COL6A2: variants seen among roughly 807,000 people sequenced by gnomAD.
COL6A2 encodes the protein collagen type VI alpha 2 chain, also known as collagen alpha-2(VI) chain.
Under a neutral mutation model 124.9 loss-of-function variants are expected in COL6A2, and 90 were observed. That is an observed-to-expected ratio of 0.72 (90% CI 0.61 to 0.86). COL6A2 has a LOEUF of 0.86. COL6A2 is among the 40% of genes least tolerant of loss of function. The pLI, the probability that COL6A2 is intolerant of heterozygous loss-of-function variation, is 0.00. For synonymous variants in COL6A2, 793 were observed against 618.2 expected, an observed-to-expected ratio of 1.28 and a Z score of -4.19; for missense variants, 1,607 against 1,502.5, an observed-to-expected ratio of 1.07 and a Z score of -1.15.
chr21:46,121,722 C>T (rs1180505088), intron 18 of COL6A2, 104 bp downstream of exon 18: 3 of 1,154,042 alleles, frequency 2.6e-6, no homozygotes, highest in Non-Finnish European at 3.8e-6. Flanking sequence ...GCAGACGTGC[C>T]TCAGGACGGG....
intron 20 of COL6A2, 139 bp from the exon 21 acceptor site, chr21:46,122,736 C>A: frequency 2.3e-6 from 2 of 887,772 alleles, no homozygotes; most frequent in Non-Finnish European, 1.6e-6. Flanking sequence ...AAAGTTCAGG[C>A]TTTGCAAAAA....
chr21:46,125,170 G>A lies in COL6A2; in HGVS notation c.1771-96G>A, dbSNP rs1422794359. On this transcript the variant is annotated intron_variant, in intron 23 of 27. Transcript: ENST00000300527. ...TCCCCGCATGGCTGCCTCCACACGT[G>A]GGCTGGAATGTCCCGGGACCCCCAG... 4.8e-6 allele frequency: 6 copies of A among 1,261,538 alleles called. No individual in the cohort carries two copies. In the East Asian group the frequency reaches 7.0e-5, roughly 15 times the overall value. The allele number at this position is 1,261,538 out of a possible 1,614,324, so 78.1% of individuals were successfully genotyped here.
rs369275466 is a variant in COL6A2 at position 46,109,610 on chromosome 21, C to A, written c.-27-1840C>A. Among the ~76,000 whole-genome samples, 47 of 152,326 alleles carry A rather than the reference C, an allele frequency of 3.1e-4. No individual in the cohort carries two copies. In the East Asian group the frequency reaches 7.5e-3, roughly 24 times the overall value. On this transcript the variant is annotated intron_variant, in intron 1 of 27. Coordinates refer to ENST00000300527, the MANE Select transcript of COL6A2 (RefSeq NM_001849.4). The stretch of plus-strand genomic sequence containing the variant: ...ACCCTCAGCACCCCCCCAAGCCTCC[C>A]CTCCTGCACTTCTCAGTGCCCACAG...
chr21:46,124,104 C>T (rs892027081), intron 21 of COL6A2, among the ~76,000 whole-genome samples: 6 of 126,346 alleles, frequency 4.7e-5, no homozygotes, highest in East Asian at 5.2e-4. Context: ...AGAGGATGGA[C>T]GGACAGGTGA....
At position 46,125,258 on chromosome 21, in the gene COL6A2, C is replaced by T. The variant is rs886042687; in HGVS notation, c.1771-8C>T. ...GGGGGACTACCCTGCCTGCCGTGTGCATTGCAGGAGTGTGACGTCATGACC... is the reference window on the plus strand; with the variant it reads ...GGGGGACTACCCTGCCTGCCGTGTGTATTGCAGGAGTGTGACGTCATGACC... On this transcript the variant is annotated splice_region_variant and splice_polypyrimidine_tract_variant and intron_variant, in intron 23 of 27. Coordinates refer to ENST00000300527, the MANE Select transcript of COL6A2 (RefSeq NM_001849.4). 5.6e-6 allele frequency: 9 copies of T among 1,611,630 alleles called. No individual in the cohort carries two copies. Among genetic ancestry groups the T allele is most frequent in the Admixed American group, 3.3e-5 (2 of 59,898 alleles).
Position 46,112,154 on chromosome 21 carries a change from C to T in COL6A2, c.291C>T (p.Gly97=), listed in dbSNP as rs1007921670. ...AGGTGGCGCTGAGCTGGCGCTACGG[C>T]GGCCTGCACTTCTCTGACCAGGTGG... ...LDQVALSWRY[G]GLHFSDQVEV... The change falls in exon 3 of 28, where the codon GGC becomes GGT. Residue 97 remains glycine (G), a synonymous_variant. Coordinates refer to ENST00000300527, the MANE Select transcript of COL6A2 (RefSeq NM_001849.4). 8 of 1,613,058 alleles carry T rather than the reference C, an allele frequency of 5.0e-6. No individual in the cohort carries two copies. Among genetic ancestry groups the T allele is most frequent in the East Asian group, 4.5e-5 (2 of 44,878 alleles).
intron 27 of COL6A2, among the ~76,000 whole-genome samples, chr21:46,131,135 T>A (rs1221746072): frequency 2.0e-5 from 3 of 152,122 alleles, no homozygotes; most frequent in Non-Finnish European, 4.4e-5. Flanking sequence ...ACTGGCTCTG[T>A]CCCTCCCCTC....
rs2078436416 is a variant in COL6A2 at position 46,113,852 on chromosome 21, TCTCACAGCTCCCTCACG to T, written c.736-154_736-138del. 4 of 705,334 alleles carry T rather than the reference TCTCACAGCTCCCTCACG, an allele frequency of 5.7e-6. No homozygotes were observed. The Admixed American group carries it at 8.0e-5, about 14-fold the overall frequency. The allele number at this position is 705,334 out of a possible 1,614,324, so 43.7% of individuals were successfully genotyped here. ...GGGCAGAGCCTCACAGCACCCCATGTCTCACAGCTCCCTCACGCCCGCCCAGGTTCTCAGGGCATTTC... is the reference window on the plus strand; with the variant it reads ...GGGCAGAGCCTCACAGCACCCCATGTCCCGCCCAGGTTCTCAGGGCATTTC... On this transcript the variant is annotated intron_variant, in intron 4 of 27. Transcript: ENST00000300527.
chr21:46,126,450 G>C, intron 26 of COL6A2, 53 bp from the exon 27 acceptor site: 1 of 1,605,514 alleles, frequency 6.2e-7, no homozygotes, highest in Non-Finnish European at 8.5e-7. Context: ...CGGCCGCTGA[G>C]GGTTCGCTAG....
At chr21:46,119,570 A>G (rs2078528247) in intron 14 of COL6A2, among the ~76,000 whole-genome samples, 1 of 152,206 alleles carries the variant, frequency 6.6e-6, no homozygotes, top group Non-Finnish European at 1.5e-5. Flanking sequence ...AATCCTCGGC[A>G]TGGGCGGGAC....
chr21:46,130,612 C>T (rs1348613099), intron 27 of COL6A2, among the ~76,000 whole-genome samples: 1 of 152,246 alleles, frequency 6.6e-6, no homozygotes, highest in African/African-American at 2.4e-5. Flanking sequence ...CCGGCCCCCA[C>T]AGCTTCCCCG....
chr21:46,111,610 C>CG lies in COL6A2; in HGVS notation c.115+24dup. On this transcript the variant is annotated intron_variant, in intron 2 of 27. Coordinates refer to ENST00000300527, the MANE Select transcript of COL6A2 (RefSeq NM_001849.4). ...TGCCCAGGTGCCAGGGGTCGGGGGC[C>CG]GGGGGCTCTGGGCATTTGGGGGGCA... 1 of 1,543,278 alleles carries CG rather than the reference C, an allele frequency of 6.5e-7. No individual in the cohort carries two copies. Among genetic ancestry groups the CG allele is most frequent in the Non-Finnish European group, 8.9e-7 (1 of 1,123,526 alleles).
At chr21:46,122,391 G>A (rs1481545455) in intron 19 of COL6A2, 105 bp from the exon 20 acceptor site, 3 of 1,481,454 alleles carry the variant, frequency 2.0e-6, no homozygotes, top group Admixed American at 1.7e-5. Flanking sequence ...CACCCAGAGT[G>A]TGAATGAGCG....
intron 27 of COL6A2, among the ~76,000 whole-genome samples, chr21:46,131,033 G>C (rs1393103951): frequency 1.3e-5 from 2 of 152,252 alleles, no homozygotes; most frequent in Admixed American, 6.5e-5. Flanking sequence ...CCGAGTTTCG[G>C]GTCAGGGTCC....
rs147670858 is a variant in COL6A2, at chr21:46,132,347, C to G, written c.2855C>G (p.Thr952Arg). 2.5e-6 allele frequency: 4 copies of G among 1,608,432 alleles called. No homozygotes were observed. Among genetic ancestry groups the G allele is most frequent in the Admixed American group, 3.3e-5 (2 of 60,006 alleles). Residue 952 changes from threonine to arginine, a missense_variant, in exon 28 of 28, where the codon ACG becomes AGG. This residue lies in a region of COL6A2 where 1,223 missense variants were observed against 1,052.2 expected (regional missense o/e 1.16). Transcript: ENST00000300527. The stretch of plus-strand genomic sequence containing the variant: ...TTCGTGTTCCTCACGGACGGCGTCA[C>G]GGGCAACGACAGTCTGCACGAGTCG... The part of the protein sequence containing the change: ...LSFVFLTDGV[T>R]GNDSLHESAH...
intron 21 of COL6A2, among the ~76,000 whole-genome samples, 195 bp downstream of exon 21, chr21:46,123,132 C>G (rs1337425819): frequency 6.7e-6 from 1 of 148,494 alleles, no homozygotes; most frequent in African/African-American, 2.5e-5. Context: ...TTCCAGCGTC[C>G]CCTCCCCAGT....
Position 46,129,715 on chromosome 21 carries a change from T to C in COL6A2, c.2462-2239T>C, listed in dbSNP as rs1044598. 6.4e-6 allele frequency: 9 copies of C among 1,403,582 alleles called. No homozygotes were observed. In the Admixed American group the frequency reaches 2.4e-4, roughly 38 times the overall value. The allele number at this position is 1,403,582 out of a possible 1,614,324, so 86.9% of individuals were successfully genotyped here. Reference sequence around the variant, plus strand: ...TCTTCCAGTCTCTCCTCCGTCTTCCTGTGGCCGCTCTCTTTATAAGAACCC... The same window carrying C: ...TCTTCCAGTCTCTCCTCCGTCTTCCCGTGGCCGCTCTCTTTATAAGAACCC... On this transcript the variant is annotated intron_variant, in intron 27 of 27. Coordinates refer to ENST00000300527, the MANE Select transcript of COL6A2 (RefSeq NM_001849.4).
rs762457293 is a variant in COL6A2 at position 46,132,144 on chromosome 21, C to A, written c.2652C>A (p.Gly884=). 6.4e-7 allele frequency: 1 copy of A among 1,570,988 alleles called. No homozygotes were observed. ...GCGTGGCGCTGCTGCAGTTTGGTGG[C>A]CCCGGCGAGCAGCAGGTGGCCTTCC... The part of the protein sequence containing the change: ...NARVALLQFG[G]PGEQQVAFPL... Residue 884 remains glycine (G), a synonymous_variant, in exon 28 of 28, where the codon GGC becomes GGA. Transcript: ENST00000300527.
At chr21:46,107,060 T>G (rs1339411964) in intron 1 of COL6A2, among the ~76,000 whole-genome samples, 3 of 152,210 alleles carry the variant, frequency 2.0e-5, no homozygotes, top group Non-Finnish European at 4.4e-5. Context: ...TCCAATATAT[T>G]TCTCAAAAAT....
Sources: gnomAD v4.1 joint callset for allele counts (sites outside exome capture counted in the v4.1 genomes callset) on GRCh38, gnomAD v4.1.1 for gene constraint, gnomAD v4.1.1 regional missense constraint, MANE v1.5 for transcripts, NCBI Gene and HGNC (gene_info 2026-07-23, HGNC 2026-07-21) for gene names.